The following CHMP2B variants were observed in gnomAD, a reference collection of about 807,000 sequenced individuals.
CHMP2B encodes the protein charged multivesicular body protein 2B, also known as VPS2 homolog B.
CHMP2B carries 22 observed loss-of-function variants against 29.8 expected under a neutral mutation model. The ratio of observed to expected loss-of-function variants is 0.74; its 90% CI spans 0.53 to 1.05. CHMP2B has a LOEUF of 1.05. Among genes scored for constraint, CHMP2B ranks in the 50% least tolerant of loss-of-function variants. The probability of loss-of-function intolerance (pLI) is 0.00; values close to 1 mark genes in which losing one functional copy is unlikely to be tolerated. For synonymous variants in CHMP2B, 78 were observed against 75.8 expected, an observed-to-expected ratio of 1.03 and a Z score of -0.15; for missense variants, 261 against 252.2, an observed-to-expected ratio of 1.03 and a Z score of -0.24.
At chr3:87,253,659 C>A in intron 5 of CHMP2B, 53 bp from the exon 6 acceptor site, 1 of 1,469,952 alleles carries the variant, frequency 6.8e-7, no homozygotes, top group Non-Finnish European at 9.5e-7. Context: ...TCCTGTATGT[C>A]CTAGTCCAAA....
At chr3:87,234,471 T>C (rs142106570) in intron 1 of CHMP2B, among the ~76,000 whole-genome samples, 87 of 152,266 alleles carry the variant, frequency 5.7e-4, no homozygotes, top group African/African-American at 2.0e-3. Context: ...AGATAGGCTT[T>C]TAATGCCCAG....
chr3:87,228,499 C>G (rs1223472042), intron 1 of CHMP2B, among the ~76,000 whole-genome samples: 1 of 152,184 alleles, frequency 6.6e-6, no homozygotes, highest in African/African-American at 2.4e-5. Flanking sequence ...GCAGTGGTAG[C>G]TAGACAGTGA....
chr3:87,235,744 G>A (rs1705995520), intron 1 of CHMP2B, among the ~76,000 whole-genome samples: 1 of 152,166 alleles, frequency 6.6e-6, no homozygotes, highest in African/African-American at 2.4e-5. Context: ...CAGCAATTCA[G>A]TTCACTTCTG....
intron 4 of CHMP2B, 134 bp downstream of exon 4, chr3:87,250,111 T>G: frequency 1.7e-6 from 1 of 577,338 alleles, no homozygotes; most frequent in Non-Finnish European, 3.1e-6. Context: ...AAATTCTATT[T>G]GTATTTAACT....
chr3:87,252,766 A>G (rs1232850565), intron 4 of CHMP2B, among the ~76,000 whole-genome samples: 2 of 152,128 alleles, frequency 1.3e-5, no homozygotes, highest in South Asian at 2.1e-4. Flanking sequence ...CATAATCTCA[A>G]TCCATCAAAA....
intron 1 of CHMP2B, among the ~76,000 whole-genome samples, chr3:87,228,353 C>T (rs1399353390): frequency 6.6e-6 from 1 of 152,168 alleles, no homozygotes; most frequent in East Asian, 1.9e-4. Context: ...TTGATGTTTT[C>T]ATTGATTGCT....
chr3:87,240,437 A>G (rs537021057), intron 1 of CHMP2B: 1 of 353,322 alleles, frequency 2.8e-6, no homozygotes, highest in East Asian at 6.7e-5. Context: ...CAGCCTACCG[A>G]GTAGCTCGGA....
At chr3:87,233,817 A>G (rs1436986912) in intron 1 of CHMP2B, among the ~76,000 whole-genome samples, 1 of 152,210 alleles carries the variant, frequency 6.6e-6, no homozygotes, top group African/African-American at 2.4e-5. Flanking sequence ...ACTGATAGGC[A>G]ATAAAATCAA....
chr3:87,252,687 G>A (rs999328338), intron 4 of CHMP2B, among the ~76,000 whole-genome samples: 21 of 150,912 alleles, frequency 1.4e-4, no homozygotes, highest in African/African-American at 4.1e-4. Flanking sequence ...GTTTTTCTCC[G>A]TCTATATACC....
At chr3:87,234,040 A>G (rs1227809363) in intron 1 of CHMP2B, among the ~76,000 whole-genome samples, 1 of 152,110 alleles carries the variant, frequency 6.6e-6, no homozygotes, top group Non-Finnish European at 1.5e-5. Context: ...TGCCTTGCAA[A>G]CTTGAGATAG....
intron 1 of CHMP2B, among the ~76,000 whole-genome samples, chr3:87,231,718 A>G (rs1320443268): frequency 6.6e-6 from 1 of 152,044 alleles, no homozygotes; most frequent in Admixed American, 6.6e-5. Flanking sequence ...GTTATCTCCC[A>G]TACTCTTTCT....
At chr3:87,250,259 G>A (rs1355716978) in intron 4 of CHMP2B, among the ~76,000 whole-genome samples, 1 of 151,946 alleles carries the variant, frequency 6.6e-6, no homozygotes, top group Non-Finnish European at 1.5e-5. Flanking sequence ...TCAGAGTTAT[G>A]TCAACTCTTT....
intron 2 of CHMP2B, among the ~76,000 whole-genome samples, chr3:87,244,819 A>C (rs554607087): frequency 6.6e-6 from 1 of 152,280 alleles, no homozygotes; most frequent in East Asian, 1.9e-4. Flanking sequence ...TACAAATGTC[A>C]GTTAGGTCAA....
chr3:87,242,356 C>T (rs917109439), intron 2 of CHMP2B, among the ~76,000 whole-genome samples: 31 of 151,982 alleles, frequency 2.0e-4, no homozygotes, highest in African/African-American at 7.2e-4. Flanking sequence ...TTCTTACAAA[C>T]GTCAATTAGG....
chr3:87,242,936 A>G (rs1483574839), intron 2 of CHMP2B, among the ~76,000 whole-genome samples: 1 of 152,170 alleles, frequency 6.6e-6, no homozygotes. Flanking sequence ...GCATTTCTAT[A>G]GGAACTTTAG....
chr3:87,243,105 G>GT (rs767104809), intron 2 of CHMP2B, among the ~76,000 whole-genome samples: 5 of 152,002 alleles, frequency 3.3e-5, no homozygotes, highest in East Asian at 1.9e-4. Flanking sequence ...AAGTTATTAT[G>GT]TATCTCTCCA....
chr3:87,243,179 A>C (rs1221288310), intron 2 of CHMP2B, among the ~76,000 whole-genome samples: 2 of 152,146 alleles, frequency 1.3e-5, no homozygotes, highest in African/African-American at 4.8e-5. Context: ...ACTTGTTGAA[A>C]TGGTTGTGTG....
chr3:87,233,909 C>G (rs1705950834), intron 1 of CHMP2B, among the ~76,000 whole-genome samples: 1 of 151,936 alleles, frequency 6.6e-6, no homozygotes, highest in African/African-American at 2.4e-5. Context: ...CTGTTATGAC[C>G]TTATAGTGAA....
intron 1 of CHMP2B, among the ~76,000 whole-genome samples, chr3:87,232,734 C>A (rs1415307640): frequency 6.6e-6 from 1 of 152,156 alleles, no homozygotes; most frequent in Non-Finnish European, 1.5e-5. Flanking sequence ...TTCCAGGACA[C>A]ATTGCCTCTC....
Sources: gnomAD v4.1 joint callset for allele counts (sites outside exome capture counted in the v4.1 genomes callset) on GRCh38, gnomAD v4.1.1 for gene constraint, MANE v1.5 for transcripts, NCBI Gene and HGNC (gene_info 2026-07-23, HGNC 2026-07-21) for gene names.